Variants in CEP63 observed in about 807,000 individuals in gnomAD.
The protein encoded by CEP63 is centrosomal protein 63.
CEP63 carries 84 observed loss-of-function variants against 89.1 expected under a neutral mutation model. That is an observed-to-expected ratio of 0.94 (90% CI 0.79 to 1.13). The LOEUF (loss-of-function observed/expected upper bound fraction) is 1.13, where lower values mean the gene tolerates loss of function less well. Among genes scored for constraint, CEP63 ranks in the 50% most tolerant of loss-of-function variants. CEP63 has a pLI of 0.00. For missense variants in CEP63, 838 were observed against 813.3 expected (o/e 1.03, Z -0.37); for synonymous variants, 267 against 272.5 (o/e 0.98, Z 0.20).
chr3:134,541,851 G>A (rs1952091995), intron 6 of CEP63, among the ~76,000 whole-genome samples: 1 of 151,986 alleles, frequency 6.6e-6, no homozygotes, highest in South Asian at 2.1e-4. Flanking sequence ...GGGGATGTTT[G>A]TTCTATCAAA....
chr3:134,507,231 T>A lies in CEP63; in HGVS notation c.167T>A (p.Ile56Asn). 2.5e-6 allele frequency: 4 copies of A among 1,613,876 alleles called. No homozygotes were observed. Among genetic ancestry groups the A allele is most frequent in the Middle Eastern group, 3.3e-4 (2 of 6,058 alleles). The part of the protein sequence containing the change: ...RTHALETCLK[I>N]REQELKSLRS... Reference sequence around the variant, plus strand: ...CATGCTCTAGAAACTTGCTTGAAAATCCGTGAACAGGAACTTAAGAGTCTT... The same window carrying A: ...CATGCTCTAGAAACTTGCTTGAAAAACCGTGAACAGGAACTTAAGAGTCTT... The change falls in exon 3 of 15, where the codon ATC becomes AAC. Residue 56 changes from isoleucine (I) to asparagine (N), a missense_variant. By Grantham distance (149) the Ile-to-Asn change is moderately radical. Coordinates refer to ENST00000675561, the MANE Select transcript of CEP63 (RefSeq NM_001353108.3).
chr3:134,548,311 G>A (rs538683839), intron 9 of CEP63, among the ~76,000 whole-genome samples: 4 of 152,176 alleles, frequency 2.6e-5, no homozygotes, highest in African/African-American at 4.8e-5. Context: ...CACCTCAGAA[G>A]CAGGGTAGGA....
chr3:134,748,391 A>G, the CEP63 span, among the ~76,000 whole-genome samples: 1 of 151,918 alleles, frequency 6.6e-6, no homozygotes, highest in Admixed American at 6.6e-5. Flanking sequence ...TTAAGAACTC[A>G]TTCTACACAT....
the CEP63 span, among the ~76,000 whole-genome samples, chr3:134,769,094 C>T: frequency 7.3e-5 from 11 of 151,708 alleles, no homozygotes; most frequent in African/African-American, 2.4e-4. Context: ...TTGGGTGGCT[C>T]TGTGGTGAAA....
At chr3:134,613,325 T>C in the CEP63 span, 4 of 152,644 alleles carry the variant, frequency 2.6e-5, no homozygotes, top group Non-Finnish European at 4.4e-5. Flanking sequence ...CAGGGGGACA[T>C]CCTGCCCTCA....
intron 2 of CEP63, among the ~76,000 whole-genome samples, chr3:134,500,320 C>A (rs1941574926): frequency 6.6e-6 from 1 of 152,114 alleles, no homozygotes; most frequent in African/African-American, 2.4e-5. Context: ...ATATGTACTA[C>A]ATTTTCTTTA....
At chr3:134,560,416 G>A (rs1322160664) in intron 14 of CEP63, among the ~76,000 whole-genome samples, 2 of 152,216 alleles carry the variant, frequency 1.3e-5, no homozygotes, top group Admixed American at 6.5e-5. Flanking sequence ...CATATGCAGA[G>A]TGACAAAAAA....
At chr3:134,587,273 G>C (rs1958504569) in intron 10 of CEP63, among the ~76,000 whole-genome samples, 1 of 152,124 alleles carries the variant, frequency 6.6e-6, no homozygotes, top group African/African-American at 2.4e-5. Flanking sequence ...GAGAAGAGGT[G>C]CTCTAGTTTT....
At chr3:134,735,414 C>T in the CEP63 span, among the ~76,000 whole-genome samples, 1 of 152,118 alleles carries the variant, frequency 6.6e-6, no homozygotes, top group Non-Finnish European at 1.5e-5. Context: ...CTTTCTTGCA[C>T]TTAGGAACAC....
the CEP63 span, among the ~76,000 whole-genome samples, chr3:134,767,238 T>G: frequency 0.076 from 11,606 of 152,242 alleles, 962 homozygotes; most frequent in African/African-American, 0.2. Context: ...GCTGTTGACA[T>G]AGACAAGCTT....
At chr3:134,519,803 ATC>A (rs2108739192) in intron 3 of CEP63, among the ~76,000 whole-genome samples, 1 of 152,332 alleles carries the variant, frequency 6.6e-6, no homozygotes, top group East Asian at 1.9e-4. Context: ...AACATAATTC[ATC>A]ATATTATCAG....
the CEP63 span, among the ~76,000 whole-genome samples, chr3:134,676,670 G>A: frequency 6.6e-6 from 1 of 152,170 alleles, no homozygotes; most frequent in Admixed American, 6.5e-5. Context: ...ATTGAGGACA[G>A]GAGATGGAGA....
chr3:134,672,154 T>C, the CEP63 span, among the ~76,000 whole-genome samples: 1 of 152,354 alleles, frequency 6.6e-6, no homozygotes, highest in African/African-American at 2.4e-5. Context: ...CAGAGTCAGA[T>C]TGAATTCATA....
chr3:134,767,936 T>C, the CEP63 span, among the ~76,000 whole-genome samples: 1 of 152,160 alleles, frequency 6.6e-6, no homozygotes, highest in Non-Finnish European at 1.5e-5. Context: ...GAGTGATGGA[T>C]GATTATTGAT....
chr3:134,739,703 GT>G, the CEP63 span, among the ~76,000 whole-genome samples: 73 of 143,686 alleles, frequency 5.1e-4, no homozygotes, highest in African/African-American at 1.1e-3. Context: ...ATCAATGCTT[GT>G]TTTTTTTTTT....
chr3:134,522,732 A>G (rs1026549989), intron 3 of CEP63, among the ~76,000 whole-genome samples: 2 of 152,152 alleles, frequency 1.3e-5, no homozygotes, highest in East Asian at 3.9e-4. Flanking sequence ...CTGTTCCTGC[A>G]AAAGACGTGA....
the CEP63 span, chr3:134,651,215 C>T: frequency 1.5e-6 from 2 of 1,299,382 alleles, no homozygotes; most frequent in Non-Finnish European, 2.0e-6. Flanking sequence ...GGGCCCAAGC[C>T]TTGACCTGCA....
rs1293096043 is a variant in CEP63 at position 134,564,283 on chromosome 3, T to A, written c.*2748T>A. 9 of 985,418 alleles carry A rather than the reference T, an allele frequency of 9.1e-6. No individual in the cohort carries two copies. The highest frequency in any genetic ancestry group is 1.1e-5 in the Non-Finnish European group (9 of 829,958). 61.0% of individuals were successfully genotyped at this position (985,418 alleles called of 1,614,324 possible). On this transcript the variant is annotated 3_prime_UTR_variant, in exon 15 of 15. Coordinates refer to ENST00000675561, the MANE Select transcript of CEP63 (RefSeq NM_001353108.3). ...CCTGAGGTGCACCACATCGTTTCTT[T>A]TGTGTTGGTGTGCATGCTGTCCTTC...
chr3:134,726,663 G>A, the CEP63 span, among the ~76,000 whole-genome samples: 2 of 152,122 alleles, frequency 1.3e-5, no homozygotes, highest in African/African-American at 4.8e-5. Context: ...AGGGCATTTA[G>A]GCTTTTCTGA....
Sources: gnomAD v4.1 joint callset for allele counts (sites outside exome capture counted in the v4.1 genomes callset) on GRCh38, gnomAD v4.1.1 for gene constraint, MANE v1.5 for transcripts, NCBI Gene and HGNC (gene_info 2026-07-23, HGNC 2026-07-21) for gene names.